SLIT1: variants seen among roughly 807,000 people sequenced by gnomAD.
SLIT1 encodes slit guidance ligand 1.
SLIT1 carries 66 observed loss-of-function variants against 186.1 expected under a neutral mutation model. The ratio of observed to expected loss-of-function variants is 0.35; its 90% CI spans 0.29 to 0.44. SLIT1 has a LOEUF of 0.44. Ranked by LOEUF, SLIT1 falls within the 20% of genes least tolerant of loss-of-function variation. The probability of loss-of-function intolerance (pLI) is 1.00; values close to 1 mark genes in which losing one functional copy is unlikely to be tolerated. For missense variants in SLIT1, 1,638 were observed against 2,037.4 expected (o/e 0.80, Z 3.77); for synonymous variants, 761 against 833.8 (o/e 0.91, Z 1.50).
At chr10:97,143,321 C>T (rs770517860) in intron 4 of SLIT1, among the ~76,000 whole-genome samples, 2 of 152,214 alleles carry the variant, frequency 1.3e-5, no homozygotes, top group East Asian at 1.9e-4. Flanking sequence ...GAAGTCCTGG[C>T]GCATGCTATA....
intron 4 of SLIT1, among the ~76,000 whole-genome samples, chr10:97,109,437 C>T (rs1207188145): frequency 6.6e-6 from 1 of 152,074 alleles, no homozygotes; most frequent in East Asian, 1.9e-4. Context: ...GAAGGACTGC[C>T]TCCAAGATGC....
At chr10:97,179,966 G>A (rs753576240) in intron 1 of SLIT1, among the ~76,000 whole-genome samples, 12 of 152,200 alleles carry the variant, frequency 7.9e-5, no homozygotes, top group Admixed American at 2.6e-4. Context: ...AACTGGAGGC[G>A]GCAACTCCGC....
intron 4 of SLIT1, among the ~76,000 whole-genome samples, chr10:97,157,111 A>G (rs929365376): frequency 1.3e-5 from 2 of 152,230 alleles, no homozygotes; most frequent in African/African-American, 4.8e-5. Context: ...GATTGTCTGC[A>G]GAGGTGGTGA....
At position 97,013,832 on chromosome 10, in the gene SLIT1, T is replaced by C; in HGVS notation, c.3112A>G (p.Lys1038Glu). 6.4e-7 allele frequency: 1 copy of C among 1,550,896 alleles called. No individual in the cohort carries two copies. Among genetic ancestry groups the C allele is most frequent in the Non-Finnish European group, 8.7e-7 (1 of 1,146,342 alleles). The change falls in exon 30 of 37, where the codon AAG becomes GAG. Residue 1038 changes from lysine (K) to glutamate (E), a missense_variant and splice_region_variant. Physicochemically the swap from Lys to Glu is moderately conservative, Grantham distance 56. Around this residue, in one of 3 missense-constraint regions of SLIT1, gnomAD observed 1,245 missense variants for 1,535.3 expected, o/e 0.81. Transcript: ENST00000266058. ...AAGTCCACCAGCTGCTCACAGGCCT[T>C]TCCTGGGGAAAGAACGAGCAAGGGG... is the stretch of plus-strand genomic sequence containing the variant. Reference protein sequence around the residue: ...TCQCPLQYEGKACEQLVDLCS... With the variant: ...TCQCPLQYEGEACEQLVDLCS...
Position 96,998,764 on chromosome 10 carries a change from G to C in SLIT1, c.*2348C>G, listed in dbSNP as rs572674153. ...GCTGTGCTAGGAGGCTGGGCCATGT[G>C]GTGGGGCCGGTCAGGGGAGCCTTAA... On this transcript the variant is annotated 3_prime_UTR_variant, in exon 37 of 37. Transcript: ENST00000266058. 6 of 152,418 alleles carry C rather than the reference G, an allele frequency of 3.9e-5. No individual in the cohort carries two copies. Among genetic ancestry groups the C allele is most frequent in the Admixed American group, 2.0e-4 (3 of 15,306 alleles). 9.4% of individuals were successfully genotyped at this position (152,418 alleles called of 1,614,324 possible). A position where few individuals can be genotyped will look rare whatever the true frequency, so the allele number is the denominator to read the frequency against.
intron 4 of SLIT1, chr10:97,153,229 G>A (rs1849900889): frequency 6.6e-6 from 1 of 152,170 alleles, no homozygotes; most frequent in African/African-American, 2.4e-5. Flanking sequence ...ATCCTGCATA[G>A]GAAAGAAATA....
chr10:97,040,687 A>G (rs1216498235), intron 20 of SLIT1, among the ~76,000 whole-genome samples: 2 of 152,168 alleles, frequency 1.3e-5, no homozygotes, highest in Non-Finnish European at 2.9e-5. Context: ...TTGAATCATA[A>G]AGTGGGTCCA....
chr10:97,185,400 C>G, intron 1 of SLIT1, 78 bp downstream of exon 1: 1 of 1,428,376 alleles, frequency 7.0e-7, no homozygotes, highest in Non-Finnish European at 9.6e-7. Flanking sequence ...GTCCTGCCCC[C>G]ACCCCCAAGT....
intron 4 of SLIT1, among the ~76,000 whole-genome samples, chr10:97,150,377 G>T (rs749128180): frequency 2.0e-5 from 3 of 152,184 alleles, no homozygotes; most frequent in Non-Finnish European, 4.4e-5. Context: ...GACGGGAAGG[G>T]AAGCTTTGTT....
At chr10:97,030,173 G>C (rs968277817) in intron 25 of SLIT1, among the ~76,000 whole-genome samples, 1 of 152,166 alleles carries the variant, frequency 6.6e-6, no homozygotes, top group South Asian at 2.1e-4. Flanking sequence ...CCTATGTTGA[G>C]ATTTTTGAGG....
At chr10:97,084,765 T>C (rs1289013482) in intron 4 of SLIT1, among the ~76,000 whole-genome samples, 1 of 146,168 alleles carries the variant, frequency 6.8e-6, no homozygotes, top group East Asian at 2.1e-4. Flanking sequence ...GCCACCACGC[T>C]TGGCTAATTT....
intron 4 of SLIT1, among the ~76,000 whole-genome samples, chr10:97,079,659 G>A (rs1849083866): frequency 6.6e-6 from 1 of 152,236 alleles, no homozygotes; most frequent in Non-Finnish European, 1.5e-5. Flanking sequence ...CAGTGTGGCA[G>A]AAACAATCCC....
intron 4 of SLIT1, among the ~76,000 whole-genome samples, chr10:97,149,676 C>T (rs1411903201): frequency 6.6e-6 from 1 of 152,152 alleles, no homozygotes; most frequent in Non-Finnish European, 1.5e-5. Context: ...TGAGACAACT[C>T]TTAATCATAC....
At chr10:97,062,740 C>T (rs540263956) in intron 8 of SLIT1, among the ~76,000 whole-genome samples, 2 of 152,204 alleles carry the variant, frequency 1.3e-5, no homozygotes, top group Non-Finnish European at 2.9e-5. Context: ...GGGGAGGCAG[C>T]GGTGGCCCTG....
intron 3 of SLIT1, 71 bp from the exon 4 acceptor site, chr10:97,157,960 A>G (rs1416570781): frequency 5.2e-6 from 6 of 1,152,754 alleles, no homozygotes; most frequent in Non-Finnish European, 6.6e-6. Flanking sequence ...CAGAAAGCAC[A>G]AGATGGATTC....
At chr10:97,066,436 C>T (rs1848947246) in intron 4 of SLIT1, among the ~76,000 whole-genome samples, 1 of 152,178 alleles carries the variant, frequency 6.6e-6, no homozygotes, top group South Asian at 2.1e-4. Context: ...TTGGCCCCGC[C>T]CAAATCTCGT....
intron 17 of SLIT1, 36 bp downstream of exon 17, chr10:97,046,955 T>A (rs1478553356): frequency 1.9e-6 from 3 of 1,578,164 alleles, no homozygotes; most frequent in Non-Finnish European, 2.6e-6. Context: ...CTGGCCAGCA[T>A]CCCAACAGAC....
Position 97,002,219 on chromosome 10 carries a change from T to C in SLIT1, c.4305A>G (p.Ser1435=). ...ACACACAGTGTGCCCCCTTGGTGCC[T>C]GAGGCCTGGCAGTGGCCATGCAGGC... ...LQCLHGHCQA[S]GTKGAHCVCD... is the part of the protein sequence containing the mutation. The change falls in exon 36 of 37, where the codon TCA becomes TCG. Residue 1435 remains serine, a synonymous_variant. Coordinates refer to ENST00000266058, the MANE Select transcript of SLIT1 (RefSeq NM_003061.3). The C allele has an allele frequency of 3.2e-6, 5 of 1,585,370 alleles. No individual in the cohort carries two copies. Among genetic ancestry groups the C allele is most frequent in the Non-Finnish European group, 4.3e-6 (5 of 1,163,440 alleles).
At chr10:97,139,221 C>T in intron 4 of SLIT1, among the ~76,000 whole-genome samples, 1 of 152,210 alleles carries the variant, frequency 6.6e-6, no homozygotes, top group East Asian at 1.9e-4. Flanking sequence ...GAGGGACACT[C>T]ACCATGGGAA....
Sources: allele counts gnomAD v4.1 joint callset (sites outside exome capture counted in the v4.1 genomes callset), GRCh38; gene constraint gnomAD v4.1.1; regional missense constraint gnomAD v4.1.1; transcripts MANE v1.5; gene names NCBI Gene and HGNC (gene_info 2026-07-23, HGNC 2026-07-21).